Variants in CCDC57 observed in about 807,000 individuals in gnomAD.
CCDC57 encodes coiled-coil domain containing 57, also known as coiled-coil domain-containing protein 57.
CCDC57 carries 118 observed loss-of-function variants against 118.9 expected under a neutral mutation model. The observed-to-expected ratio is 0.99, with a 90% CI of 0.86 to 1.16. The LOEUF (loss-of-function observed/expected upper bound fraction) is 1.16, where lower values mean the gene tolerates loss of function less well. Ranked by LOEUF, CCDC57 falls within the 50% of genes most tolerant of loss-of-function variation. The pLI is 0.00. For synonymous variants in CCDC57, 527 were observed against 532.9 expected (o/e 0.99, Z 0.15); for missense variants, 1,300 against 1,320.7 (o/e 0.98, Z 0.24).
At chr17:82,157,924 C>G in exon 15 of CCDC57, 1 of 1,558,812 alleles carries the variant, frequency 6.4e-7, no homozygotes, top group Non-Finnish European at 8.7e-7. Context: ...TGGAGAGCGG[C>G]CGGCTCCAGG....
At chr17:82,184,849 C>T (rs2046740980) in intron 8 of CCDC57, 2 of 152,352 alleles carry the variant, frequency 1.3e-5, no homozygotes, top group African/African-American at 4.8e-5. Flanking sequence ...AAAAGAGACA[C>T]CATCAAAGGC....
chr17:82,102,898 A>C (rs566908482), intron 19 of CCDC57, among the ~76,000 whole-genome samples: 1 of 147,270 alleles, frequency 6.8e-6, no homozygotes, highest in African/African-American at 2.7e-5. Context: ...AAAAAAAAAA[A>C]ACAAAAAAAA....
At chr17:82,113,215 A>T (rs2035419052) in intron 19 of CCDC57, 1 of 600,448 alleles carries the variant, frequency 1.7e-6, no homozygotes, top group Non-Finnish European at 3.0e-6. Flanking sequence ...CATGATAATC[A>T]GTGAAGGCGG....
chr17:82,157,332 C>T, intron 15 of CCDC57: 1 of 563,534 alleles, frequency 1.8e-6, no homozygotes, highest in Non-Finnish European at 2.4e-6. Flanking sequence ...GGGCCCCTCC[C>T]CACGCAGGGA....
intron 3 of CCDC57, among the ~76,000 whole-genome samples, chr17:82,198,627 C>G (rs2048584507): frequency 1.3e-5 from 2 of 151,758 alleles, no homozygotes; most frequent in Non-Finnish European, 2.9e-5. Context: ...TTAAATAGGG[C>G]CCAGAGTCTC....
Position 82,127,625 on chromosome 17 carries a change from C to A in CCDC57, c.2899+67G>T, listed in dbSNP as rs932939058. The A allele has an allele frequency of 4.6e-6, 7 of 1,515,918 alleles. No individual in the cohort carries two copies. In the African/African-American group the frequency reaches 9.8e-5, roughly 21 times the overall value. The allele number at this position is 1,515,918 out of a possible 1,614,324, so 93.9% of individuals were successfully genotyped here. A position where few individuals can be genotyped will look rare whatever the true frequency, so the allele number is the denominator to read the frequency against. On this transcript the variant is annotated intron_variant, in intron 19 of 19. Transcript: ENST00000665763. ...CGCAGGGTGCTGACTCTCCACATGC[C>A]CCTCGGAGAGGGTGGCCCTCGCCAG...
chr17:82,180,019 G>A (rs1429161400), intron 9 of CCDC57, among the ~76,000 whole-genome samples: 3 of 152,208 alleles, frequency 2.0e-5, no homozygotes, highest in Non-Finnish European at 4.4e-5. Context: ...CCCAGGCAGC[G>A]ACACAGAGAT....
intron 9 of CCDC57, among the ~76,000 whole-genome samples, chr17:82,179,920 A>G (rs1162432104): frequency 1.3e-5 from 2 of 152,170 alleles, no homozygotes; most frequent in Admixed American, 6.6e-5. Flanking sequence ...TACACCAGCA[A>G]CTCTGGGACA....
intron 19 of CCDC57, chr17:82,127,444 C>T (rs905519575): frequency 6.2e-5 from 60 of 972,624 alleles, no homozygotes; most frequent in African/African-American, 2.6e-4. Context: ...AGTCAGTGTG[C>T]GCCCGGGTGT....
intron 16 of CCDC57, among the ~76,000 whole-genome samples, chr17:82,138,620 C>T (rs908486922): frequency 1.4e-4 from 22 of 152,104 alleles, no homozygotes; most frequent in Non-Finnish European, 2.9e-4. Flanking sequence ...ATGAGTGCCA[C>T]GGGAAGACTG....
intron 16 of CCDC57, among the ~76,000 whole-genome samples, chr17:82,136,724 A>G (rs930216574): frequency 6.6e-6 from 1 of 151,986 alleles, no homozygotes; most frequent in East Asian, 1.9e-4. Flanking sequence ...CAGCCTCCCA[A>G]GTAGCTGGGA....
chr17:82,185,499 G>C (rs1568407233), intron 8 of CCDC57, among the ~76,000 whole-genome samples: 1 of 149,584 alleles, frequency 6.7e-6, no homozygotes, highest in African/African-American at 2.5e-5. Context: ...CGCACCTGTA[G>C]TCCCAGCTAC....
At chr17:82,184,230 G>A (rs1026776668) in intron 8 of CCDC57, among the ~76,000 whole-genome samples, 1 of 151,998 alleles carries the variant, frequency 6.6e-6, no homozygotes, top group Non-Finnish European at 1.5e-5. Flanking sequence ...ACCAGGCCAT[G>A]TGCCAGGTTC....
At chr17:82,207,874 G>A (rs975596739) in exon 2 of CCDC57, 2 of 152,284 alleles carry the variant, frequency 1.3e-5, no homozygotes, top group South Asian at 2.1e-4. Flanking sequence ...CTCCAGGCAG[G>A]CGGTGTTGGA....
intron 9 of CCDC57, among the ~76,000 whole-genome samples, chr17:82,179,995 G>GA (rs1206674902): frequency 3.3e-5 from 5 of 152,218 alleles, no homozygotes; most frequent in African/African-American, 1.2e-4. Flanking sequence ...TGACGGGGGA[G>GA]AGGTCCCTCC....
chr17:82,208,642 A>C (rs904389035), intron 1 of CCDC57, among the ~76,000 whole-genome samples: 7 of 151,604 alleles, frequency 4.6e-5, no homozygotes, highest in Non-Finnish European at 7.4e-5. Context: ...CAGAGGACTC[A>C]ATCTCAGCAT....
chr17:82,199,012 A>T (rs1014512995), intron 3 of CCDC57, among the ~76,000 whole-genome samples: 1 of 113,910 alleles, frequency 8.8e-6, no homozygotes, highest in South Asian at 3.2e-4. Context: ...AAAAAAAAGA[A>T]AAAGGAAAAA....
intron 7 of CCDC57, 89 bp downstream of exon 6, chr17:82,193,667 C>T: frequency 1.7e-6 from 2 of 1,187,266 alleles, no homozygotes; most frequent in East Asian, 2.5e-5. Flanking sequence ...GGACCCTCTG[C>T]TCCCTGGGCC....
chr17:82,126,848 TTAAA>T (rs1250955301), intron 19 of CCDC57: 2 of 985,118 alleles, frequency 2.0e-6, no homozygotes, highest in African/African-American at 3.5e-5. Context: ...GAGAGAATGA[TTAAA>T]TGAATGAGGC....
Sources: allele counts gnomAD v4.1 joint callset (sites outside exome capture counted in the v4.1 genomes callset), GRCh38; gene constraint gnomAD v4.1.1; transcripts MANE v1.5; gene names NCBI Gene and HGNC (gene_info 2026-07-23, HGNC 2026-07-21).